The following IL6 variants were observed in gnomAD, a reference collection of about 807,000 sequenced individuals.
IL6 encodes interleukin-6.
A neutral mutation model predicts 18.0 loss-of-function variants in IL6; 5 were observed. The observed-to-expected ratio is 0.28, with a 90% CI of 0.15 to 0.58. The LOEUF (loss-of-function observed/expected upper bound fraction) is 0.58, where lower values mean the gene tolerates loss of function less well. Among genes scored for constraint, IL6 ranks in the 20% least tolerant of loss-of-function variants. The pLI, the probability that IL6 is intolerant of heterozygous loss-of-function variation, is 0.90. For missense variants in IL6, 266 were observed against 251.0 expected, an observed-to-expected ratio of 1.06 and a Z score of -0.40; for synonymous variants, 97 against 95.1, an observed-to-expected ratio of 1.02 and a Z score of -0.12.
chr7:22,730,502 G>A (rs1784106366), intron 4 of IL6, among the ~76,000 whole-genome samples: 1 of 152,156 alleles, frequency 6.6e-6, no homozygotes, highest in Non-Finnish European at 1.5e-5. Context: ...TCTATGGAAA[G>A]GTGTTTCCCA....
chr7:22,727,915 C>T (rs1784045457), intron 2 of IL6, among the ~76,000 whole-genome samples: 1 of 152,120 alleles, frequency 6.6e-6, no homozygotes, highest in Non-Finnish European at 1.5e-5. Context: ...TTTTCCCTTT[C>T]CAAAAAATTA....
Position 22,731,525 on chromosome 7 carries a change from C to A in IL6, c.591C>A (p.Ser197Arg). Residue 197 changes from serine to arginine, a missense_variant, in exon 5 of 5, where the codon AGC (serine) becomes AGA (arginine). Ser to Arg is a moderately radical substitution (Grantham distance 110). Coordinates refer to ENST00000258743, the MANE Select transcript of IL6 (RefSeq NM_000600.5). Reference protein sequence around the residue: ...QDMTTHLILRSFKEFLQSSLR... With the variant: ...QDMTTHLILRRFKEFLQSSLR... Reference sequence around the variant, plus strand: ...TGACAACTCATCTCATTCTGCGCAGCTTTAAGGAGTTCCTGCAGTCCAGCC... The same window carrying A: ...TGACAACTCATCTCATTCTGCGCAGATTTAAGGAGTTCCTGCAGTCCAGCC... The A allele has an allele frequency of 6.2e-7, 1 of 1,608,976 alleles. No homozygotes were observed. Among genetic ancestry groups the A allele is most frequent in the Non-Finnish European group, 8.5e-7 (1 of 1,176,080 alleles).
Position 22,728,753 on chromosome 7 carries a change from A to T in IL6, c.271A>T (p.Asn91Tyr), listed in dbSNP as rs755968353. Reference protein sequence around the residue: ...SKEALAENNLNLPKMAEKDGC... With the variant: ...SKEALAENNLYLPKMAEKDGC... ...AGAGGCACTGGCAGAAAACAACCTGAACCTTCCAAAGATGGCTGAAAAAGA... is the reference window on the plus strand; with the variant it reads ...AGAGGCACTGGCAGAAAACAACCTGTACCTTCCAAAGATGGCTGAAAAAGA... The change falls in exon 3 of 5, where the codon AAC becomes TAC. Residue 91 changes from asparagine (N) to tyrosine (Y), a missense_variant. By Grantham distance (143) the Asn-to-Tyr change is moderately radical (BLOSUM62 -2). Transcript: ENST00000258743. 1 of 1,613,648 alleles carries T rather than the reference A, an allele frequency of 6.2e-7. No individual in the cohort carries two copies.
chr7:22,731,382 CT>C, intron 4 of IL6, 23 bp from the exon 5 acceptor site: 2 of 1,547,976 alleles, frequency 1.3e-6, no homozygotes, highest in Non-Finnish European at 1.8e-6. Flanking sequence ...TTAAACAATC[CT>C]TTTTACTTTC....
At chr7:22,727,860 C>A (rs891033231) in intron 2 of IL6, among the ~76,000 whole-genome samples, 1 of 152,122 alleles carries the variant, frequency 6.6e-6, no homozygotes, top group African/African-American at 2.4e-5. Flanking sequence ...GAAATCCATG[C>A]CCACCTTTGG....
At chr7:22,730,069 T>C in intron 4 of IL6, 1 of 985,386 alleles carries the variant, frequency 1.0e-6, no homozygotes, top group Non-Finnish European at 1.2e-6. Context: ...CTCACTGTGG[T>C]TGTTTCAATT....
At chr7:22,730,352 T>G in intron 4 of IL6, 862 of 929,674 alleles carry the variant, frequency 9.3e-4, no homozygotes, top group Middle Eastern at 1.1e-3. Flanking sequence ...TCTTGTGGTG[T>G]GGAGTCTGAC....
At chr7:22,730,523 C>T (rs1286146753) in intron 4 of IL6, among the ~76,000 whole-genome samples, 1 of 152,138 alleles carries the variant, frequency 6.6e-6, no homozygotes, top group African/African-American at 2.4e-5. Flanking sequence ...GTCCTCTTTA[C>T]ACCACCGGAT....
In IL6 at chr7:22,727,436, C is replaced by T. The variant is rs1472044544; in HGVS notation, c.20-8C>T. ...GCTCACCCCTGCGCTCGCTCCCCTC[C>T]GGCACAGGCGCCTTCGGTCCAGTTG... On this transcript the variant is annotated splice_polypyrimidine_tract_variant and splice_region_variant and intron_variant, in intron 1 of 4. Coordinates refer to ENST00000258743, the MANE Select transcript of IL6 (RefSeq NM_000600.5). 9 of 1,613,716 alleles carry T rather than the reference C, an allele frequency of 5.6e-6. No individual in the cohort carries two copies. The highest frequency in any genetic ancestry group is 7.6e-6 in the Non-Finnish European group (9 of 1,179,842).
At position 22,727,476 on chromosome 7, in the gene IL6, C is replaced by T. The variant is rs753479461; in HGVS notation, c.52C>T (p.Leu18=). 1 of 1,614,088 alleles carries T rather than the reference C, an allele frequency of 6.2e-7. No individual in the cohort carries two copies. Among genetic ancestry groups the T allele is most frequent in the South Asian group, 1.1e-5 (1 of 91,086 alleles). ...AFGPVAFSLG[L]LLVLPAAFPA... ...CGGTCCAGTTGCCTTCTCCCTGGGGCTGCTCCTGGTGTTGCCTGCTGCCTT... is the reference window on the plus strand; with the variant it reads ...CGGTCCAGTTGCCTTCTCCCTGGGGTTGCTCCTGGTGTTGCCTGCTGCCTT... The change falls in exon 2 of 5, where the codon CTG becomes TTG. Residue 18 remains leucine (L), a synonymous_variant. Transcript: ENST00000258743.
rs535696222 is a variant in IL6, at chr7:22,730,903, T to C, written c.472-503T>C. On this transcript the variant is annotated intron_variant, in intron 4 of 4. Coordinates refer to ENST00000258743, the MANE Select transcript of IL6 (RefSeq NM_000600.5). ...GATAGTGGTGCTTCCCTCAGGATGCTTGTGGTCTAATGGGAGACAGAACAG... is the reference window on the plus strand; with the variant it reads ...GATAGTGGTGCTTCCCTCAGGATGCCTGTGGTCTAATGGGAGACAGAACAG... Among the ~76,000 whole-genome samples the C allele has an allele frequency of 6.8e-4, 103 of 152,120 alleles. 2 individuals carry two copies. The South Asian group carries it at 0.018, about 27-fold the overall frequency.
chr7:22,727,675 A>T, intron 2 of IL6, 41 bp downstream of exon 2: 1 of 1,521,970 alleles, frequency 6.6e-7, no homozygotes, highest in East Asian at 2.3e-5. Flanking sequence ...CCCGGTGCGC[A>T]TGCGTTCCCC....
chr7:22,729,726 C>G (rs755528306), intron 4 of IL6, 66 bp downstream of exon 4: 1 of 1,611,830 alleles, frequency 6.2e-7, no homozygotes, highest in South Asian at 1.1e-5. Flanking sequence ...GTGTCCTGGA[C>G]AACTCAGGGA....
chr7:22,728,154 G>T (rs1427733930), intron 2 of IL6, among the ~76,000 whole-genome samples: 1 of 152,090 alleles, frequency 6.6e-6, no homozygotes, highest in Non-Finnish European at 1.5e-5. Flanking sequence ...AAGGTATTTT[G>T]GTCCTGTTTG....
At chr7:22,727,419 C>T in intron 1 of IL6, 25 bp from the exon 2 acceptor site, 14 of 1,613,580 alleles carry the variant, frequency 8.7e-6, no homozygotes, top group Non-Finnish European at 1.2e-5. Flanking sequence ...CAGCTCACCC[C>T]TGCGCTCGCT....
In IL6 at chr7:22,727,485, G is replaced by C. The variant is rs1583431931; in HGVS notation, c.61G>C (p.Val21Leu). 6.2e-7 allele frequency: 1 copy of C among 1,614,078 alleles called. No homozygotes were observed. Among genetic ancestry groups the C allele is most frequent in the Non-Finnish European group, 8.5e-7 (1 of 1,179,952 alleles). ...TGCCTTCTCCCTGGGGCTGCTCCTGGTGTTGCCTGCTGCCTTCCCTGCCCC... is the reference window on the plus strand; with the variant it reads ...TGCCTTCTCCCTGGGGCTGCTCCTGCTGTTGCCTGCTGCCTTCCCTGCCCC... ...PVAFSLGLLL[V>L]LPAAFPAPVP... Residue 21 changes from valine to leucine, a missense_variant, in exon 2 of 5, where the codon GTG becomes CTG. By Grantham distance (32) the Val-to-Leu change is conservative. Coordinates refer to ENST00000258743, the MANE Select transcript of IL6 (RefSeq NM_000600.5).
intron 2 of IL6, chr7:22,728,474 G>A: frequency 2.0e-6 from 1 of 512,160 alleles, no homozygotes; most frequent in South Asian, 3.3e-5. Flanking sequence ...AGGAAACTGA[G>A]ACTCAGGATT....
chr7:22,729,376 C>A, intron 3 of IL6, 138 bp from the exon 4 acceptor site: 1 of 771,372 alleles, frequency 1.3e-6, no homozygotes, highest in South Asian at 1.7e-5. Flanking sequence ...TCCAATGTCC[C>A]AAAACATGCT....
chr7:22,728,585 C>T (rs1366038815), intron 2 of IL6, 108 bp from the exon 3 acceptor site: 8 of 701,306 alleles, frequency 1.1e-5, no homozygotes, highest in Non-Finnish European at 1.8e-5. Flanking sequence ...GTTGTAGCTT[C>T]ATTTTTCTTA....
Sources: allele counts gnomAD v4.1 joint callset (sites outside exome capture counted in the v4.1 genomes callset), GRCh38; gene constraint gnomAD v4.1.1; transcripts MANE v1.5; gene names NCBI Gene and HGNC (gene_info 2026-07-23, HGNC 2026-07-21).